The following ZRANB3 variants were observed in gnomAD, a reference collection of about 807,000 sequenced individuals.
ZRANB3 encodes DNA annealing helicase and endonuclease ZRANB3.
ZRANB3 carries 125 observed loss-of-function variants against 133.8 expected under a neutral mutation model. The observed-to-expected ratio is 0.93, with a 90% CI of 0.81 to 1.08. The LOEUF (loss-of-function observed/expected upper bound fraction) is 1.08. Ranked by LOEUF, ZRANB3 falls within the 50% of genes least tolerant of loss-of-function variation. The probability of loss-of-function intolerance (pLI) is 0.00; values close to 1 mark genes in which losing one functional copy is unlikely to be tolerated. For missense variants in ZRANB3, 1,229 were observed against 1,275.5 expected, an observed-to-expected ratio of 0.96 and a Z score of 0.56; for synonymous variants, 387 against 432.7, an observed-to-expected ratio of 0.89 and a Z score of 1.31.
intron 2 of ZRANB3, among the ~76,000 whole-genome samples, chr2:135,482,892 T>C (rs1042436932): frequency 7.5e-4 from 114 of 152,192 alleles, no homozygotes; most frequent in African/African-American, 2.6e-3. Context: ...TTTTTGTCTT[T>C]GGCTCTGTTT....
intron 12 of ZRANB3, among the ~76,000 whole-genome samples, chr2:135,234,470 C>T (rs971804271): frequency 2.0e-5 from 3 of 152,200 alleles, no homozygotes; most frequent in Non-Finnish European, 4.4e-5. Flanking sequence ...GAACTCTCCA[C>T]CCCAAATCAA....
intron 3 of ZRANB3, among the ~76,000 whole-genome samples, chr2:135,361,936 C>T (rs747334774): frequency 1.3e-5 from 2 of 152,028 alleles, no homozygotes; most frequent in Admixed American, 6.6e-5. Context: ...CAGTGGCTCA[C>T]GTCTGTAATC....
intron 3 of ZRANB3, among the ~76,000 whole-genome samples, chr2:135,365,577 CTA>C (rs1685896570): frequency 2.0e-5 from 3 of 152,220 alleles, no homozygotes; most frequent in South Asian, 2.1e-4. Flanking sequence ...ACTAAATTTT[CTA>C]TGTTGTTTAC....
chr2:135,470,986 A>G (rs1412429220), intron 2 of ZRANB3, among the ~76,000 whole-genome samples: 1 of 151,700 alleles, frequency 6.6e-6, no homozygotes, highest in Admixed American at 6.6e-5. Context: ...TATTTTTAAT[A>G]GAGACGGGGT....
At chr2:135,224,326 A>G in intron 15 of ZRANB3, 100 bp downstream of exon 15, 1 of 889,026 alleles carries the variant, frequency 1.1e-6, no homozygotes, top group South Asian at 2.3e-5. Flanking sequence ...AAATAACTAG[A>G]TGCTTATCTC....
At chr2:135,331,566 A>G (rs1407734420) in intron 6 of ZRANB3, among the ~76,000 whole-genome samples, 1 of 152,032 alleles carries the variant, frequency 6.6e-6, no homozygotes, top group African/African-American at 2.4e-5. Context: ...GTAGATGTCT[A>G]TTAGGTCTGC....
intron 12 of ZRANB3, among the ~76,000 whole-genome samples, chr2:135,246,150 T>C (rs1053988419): frequency 1.3e-5 from 2 of 149,868 alleles, no homozygotes; most frequent in Non-Finnish European, 3.0e-5. Context: ...GCCATTCTCC[T>C]GCCTCAGCCT....
intron 2 of ZRANB3, among the ~76,000 whole-genome samples, chr2:135,418,295 T>G (rs1688679077): frequency 6.6e-6 from 1 of 152,176 alleles, no homozygotes; most frequent in Non-Finnish European, 1.5e-5. Flanking sequence ...ATGAAGGACA[T>G]GAGCATCTGT....
At chr2:135,266,562 C>T (rs572256513) in intron 11 of ZRANB3, among the ~76,000 whole-genome samples, 2 of 151,820 alleles carry the variant, frequency 1.3e-5, no homozygotes, top group African/African-American at 2.4e-5. Context: ...GTCAGGAGTT[C>T]GAGACCAGCC....
chr2:135,514,852 G>A (rs1313573498), intron 1 of ZRANB3, among the ~76,000 whole-genome samples: 2 of 151,974 alleles, frequency 1.3e-5, no homozygotes. Flanking sequence ...AGCATGAAGG[G>A]GTGTTGAATT....
At chr2:135,435,535 T>C (rs754345837) in intron 2 of ZRANB3, among the ~76,000 whole-genome samples, 6 of 152,260 alleles carry the variant, frequency 3.9e-5, no homozygotes, top group South Asian at 2.1e-4. Context: ...AGTCGAATGA[T>C]AGTTCTGCTT....
chr2:135,298,958 G>C (rs1365048013), intron 8 of ZRANB3, among the ~76,000 whole-genome samples: 1 of 152,114 alleles, frequency 6.6e-6, no homozygotes, highest in African/African-American at 2.4e-5. Flanking sequence ...AGCCAGGAGG[G>C]GGTGCTTTCA....
chr2:135,241,358 C>G (rs1695542770), intron 12 of ZRANB3, among the ~76,000 whole-genome samples: 1 of 142,244 alleles, frequency 7.0e-6, no homozygotes, highest in South Asian at 2.3e-4. Context: ...CCTTGTTATT[C>G]TCTGTTCTTT....
At position 135,508,664 on chromosome 2, in the gene ZRANB3, G is replaced by C. The variant is rs550045884; in HGVS notation, c.-7-4168C>G. Reference sequence around the variant, plus strand: ...ATAAAGAACTTAAAAATATGTAGTGGTACAATGTAATGAATAGAACATGAA... The same window carrying C: ...ATAAAGAACTTAAAAATATGTAGTGCTACAATGTAATGAATAGAACATGAA... On this transcript the variant is annotated intron_variant, in intron 1 of 20. Coordinates refer to ENST00000264159, the MANE Select transcript of ZRANB3 (RefSeq NM_032143.4). Among the ~76,000 whole-genome samples the C allele has an allele frequency of 2.1e-4, 32 of 152,048 alleles. No individual in the cohort carries two copies. In the South Asian group the frequency reaches 5.6e-3, roughly 27 times the overall value.
At position 135,275,692 on chromosome 2, in the gene ZRANB3, A is replaced by C. The variant is rs1324635860; in HGVS notation, c.1030T>G (p.Phe344Val). The change falls in exon 9 of 21, where the codon TTT becomes GTT. Residue 344 changes from phenylalanine (F) to valine (V), a missense_variant. Coordinates refer to ENST00000264159, the MANE Select transcript of ZRANB3 (RefSeq NM_032143.4). ...TGGAGCATGCTTAAATGGTGAGCAA[A>C]AACCAGAAATTTAAGCGAATCATTC... is the stretch of plus-strand genomic sequence containing the variant. ...LQNDSLKFLV[F>V]AHHLSMLQAC... is the part of the protein sequence containing the mutation. 1.2e-6 allele frequency: 2 copies of C among 1,608,432 alleles called. No homozygotes were observed. The highest frequency in any genetic ancestry group is 2.7e-5 in the African/African-American group (2 of 74,838).
chr2:135,219,152 G>C lies in ZRANB3; in HGVS notation c.2277C>G (p.Phe759Leu). Residue 759 changes from phenylalanine (F) to leucine (L), a missense_variant, in exon 16 of 21, where the codon TTC (phenylalanine) becomes TTG (leucine). Phe to Leu is a conservative substitution (Grantham distance 22). Transcript: ENST00000264159. ...GGTCTAATTTTATATCCAGAGGAATGAAATTACAGCTCATCTGTTTTCCAT... is the reference window on the plus strand; with the variant it reads ...GGTCTAATTTTATATCCAGAGGAATCAAATTACAGCTCATCTGTTTTCCAT... ...TKDGKQMSCN[F>L]IPLDIKLDLW... is the part of the protein sequence containing the mutation. 1.3e-6 allele frequency: 2 copies of C among 1,533,198 alleles called. No individual in the cohort carries two copies. Among genetic ancestry groups the C allele is most frequent in the East Asian group, 2.4e-5 (1 of 41,602 alleles). 95.0% of individuals were successfully genotyped at this position (1,533,198 alleles called of 1,614,324 possible).
At chr2:135,382,672 T>TG in intron 3 of ZRANB3, among the ~76,000 whole-genome samples, 1 of 152,092 alleles carries the variant, frequency 6.6e-6, no homozygotes, top group Middle Eastern at 3.2e-3. Flanking sequence ...CAGAAGAGAC[T>TG]GGGGGCCAAT....
intron 19 of ZRANB3, among the ~76,000 whole-genome samples, chr2:135,206,510 G>T (rs1693864765): frequency 6.6e-6 from 1 of 152,216 alleles, no homozygotes; most frequent in African/African-American, 2.4e-5. Context: ...AAAGTGTTGG[G>T]ATTACAGGTG....
chr2:135,394,986 C>T (rs1360451045), intron 2 of ZRANB3, among the ~76,000 whole-genome samples: 5 of 146,850 alleles, frequency 3.4e-5, no homozygotes, highest in Non-Finnish European at 7.5e-5. Flanking sequence ...GTACACTCTT[C>T]ACAGAAACAG....
Sources: allele counts gnomAD v4.1 joint callset (sites outside exome capture counted in the v4.1 genomes callset), GRCh38; gene constraint gnomAD v4.1.1; transcripts MANE v1.5; gene names NCBI Gene and HGNC (gene_info 2026-07-23, HGNC 2026-07-21).